PCDH10: variants seen among roughly 807,000 people sequenced by gnomAD.
PCDH10 encodes the protein protocadherin-10.
In PCDH10, 15 loss-of-function variants were observed where a neutral mutation model predicts 74.4. The observed-to-expected ratio is 0.20, with a 90% CI of 0.13 to 0.31. The LOEUF is 0.31. Among genes scored for constraint, PCDH10 ranks in the 10% least tolerant of loss-of-function variants. The pLI is 1.00. For synonymous variants in PCDH10, 619 were observed against 589.8 expected (o/e 1.05, Z -0.72); for missense variants, 1,260 against 1,390.2 (o/e 0.91, Z 1.49).
intron 4 of PCDH10, among the ~76,000 whole-genome samples, chr4:133,167,096 T>A (rs1271384684): frequency 6.6e-6 from 1 of 151,460 alleles, no homozygotes; most frequent in Non-Finnish European, 1.5e-5. Context: ...AACTTGTTAA[T>A]CTTATTGAAA....
intron 2 of PCDH10, among the ~76,000 whole-genome samples, chr4:133,199,954 C>A (rs540003124): frequency 6.6e-6 from 1 of 151,132 alleles, no homozygotes; most frequent in Non-Finnish European, 1.5e-5. Context: ...CACGCCGCCA[C>A]GCCCAGCTAA....
chr4:133,173,852 T>C (rs1368961086), intron 4 of PCDH10, among the ~76,000 whole-genome samples: 1 of 151,910 alleles, frequency 6.6e-6, no homozygotes, highest in Non-Finnish European at 1.5e-5. Context: ...GTATAAATGC[T>C]GAGTATGAAA....
At chr4:133,154,418 A>G (rs1726815246) in intron 2 of PCDH10, 53 bp downstream of exon 2, 2 of 939,772 alleles carry the variant, frequency 2.1e-6, no homozygotes, top group Admixed American at 4.8e-5. Context: ...ACCTAGTAAA[A>G]GTAGGAAGTA....
At chr4:133,163,965 G>A (rs1727027933) in intron 4 of PCDH10, 2 of 450,004 alleles carry the variant, frequency 4.4e-6, no homozygotes, top group African/African-American at 4.0e-5. Flanking sequence ...TGAGGTTGTG[G>A]CTATTAACCT....
chr4:133,195,220 T>C (rs1727771140), downstream of PCDH10, among the ~76,000 whole-genome samples: 2 of 152,116 alleles, frequency 1.3e-5, no homozygotes, highest in Admixed American at 1.3e-4. Context: ...AGAAACGTTC[T>C]TCTTAATCTC....
chr4:133,179,846 A>G (rs1301919897), intron 4 of PCDH10, among the ~76,000 whole-genome samples: 1 of 152,106 alleles, frequency 6.6e-6, no homozygotes, highest in Admixed American at 6.6e-5. Context: ...ATGAGTCAAT[A>G]AATGAAATAT....
intron 2 of PCDH10, among the ~76,000 whole-genome samples, chr4:133,206,656 G>T (rs1001603289): frequency 3.3e-5 from 5 of 151,898 alleles, no homozygotes; most frequent in Non-Finnish European, 5.9e-5. Flanking sequence ...TTCCTCAATT[G>T]TTTGTCTTTT....
Position 133,152,320 on chromosome 4 carries a change from T to C in PCDH10, c.2180T>C (p.Phe727Ser), listed in dbSNP as rs762190073. The C allele has an allele frequency of 6.2e-7, 1 of 1,614,128 alleles. No individual in the cohort carries two copies. The highest frequency in any genetic ancestry group is 1.3e-5 in the African/African-American group (1 of 75,036). ...ILIIALGSVS[F>S]IFLLAMIVLA... ...ATCATCGCGTTGGGCTCGGTGTCCT[T>C]CATCTTCCTGCTGGCCATGATCGTG... is the stretch of plus-strand genomic sequence containing the variant. Residue 727 changes from phenylalanine to serine, a missense_variant, in exon 1 of 5, where the codon TTC becomes TCC. Phe to Ser is a radical substitution (Grantham distance 155). Around this residue, in one of 11 missense-constraint regions of PCDH10, gnomAD observed 587 missense variants for 616.9 expected, o/e 0.95. Coordinates refer to ENST00000264360, the MANE Select transcript of PCDH10 (RefSeq NM_032961.3).
intron 4 of PCDH10, among the ~76,000 whole-genome samples, chr4:133,168,639 T>G (rs1727137059): frequency 2.6e-5 from 4 of 151,662 alleles, no homozygotes; most frequent in Admixed American, 2.6e-4. Flanking sequence ...TGCTAAAATC[T>G]GCTCCAGCTC....
chr4:133,177,618 A>G lies in PCDH10; in HGVS notation c.3104-12523A>G, dbSNP rs80061121. Among the ~76,000 whole-genome samples the G allele has an allele frequency of 3.8e-3, 579 of 152,284 alleles. 11 individuals carry two copies. In the East Asian group the frequency reaches 0.038, roughly 10 times the overall value. ...TATGTTTATTCCTCATATGAAAAGAAAAATTTCTCATTTTTTTACAATGAT... is the reference window on the plus strand; with the variant it reads ...TATGTTTATTCCTCATATGAAAAGAGAAATTTCTCATTTTTTTACAATGAT... On this transcript the variant is annotated intron_variant, in intron 4 of 4. Coordinates refer to ENST00000264360, the MANE Select transcript of PCDH10 (RefSeq NM_032961.3).
rs1057476033 is a variant in PCDH10 at position 133,163,538 on chromosome 4, C to G, written c.3103+256C>G. Reference sequence around the variant, plus strand: ...CTCCAAATTGATTATTTTATATAATCATTGCAAACAATAAAAATGCTTTGA... The same window carrying G: ...CTCCAAATTGATTATTTTATATAATGATTGCAAACAATAAAAATGCTTTGA... On this transcript the variant is annotated intron_variant, in intron 4 of 4. Transcript: ENST00000264360. Among the ~76,000 whole-genome samples, 6 of 152,158 alleles carry G rather than the reference C, an allele frequency of 3.9e-5. No homozygotes were observed. In the East Asian group the frequency reaches 9.7e-4, roughly 24 times the overall value.
At chr4:133,166,378 GAA>G (rs1347115369) in intron 4 of PCDH10, among the ~76,000 whole-genome samples, 1 of 151,264 alleles carries the variant, frequency 6.6e-6, no homozygotes, top group South Asian at 2.1e-4. Context: ...TAAAATGAAA[GAA>G]AATATTTTCT....
downstream of PCDH10, among the ~76,000 whole-genome samples, chr4:133,196,342 T>C (rs1410349413): frequency 6.6e-6 from 1 of 152,084 alleles, no homozygotes; most frequent in Non-Finnish European, 1.5e-5. Flanking sequence ...GGTTCAGAGA[T>C]GAAATCATAG....
At chr4:133,163,785 G>A in intron 4 of PCDH10, 1 of 358,166 alleles carries the variant, frequency 2.8e-6, no homozygotes. Context: ...AATAACTGTG[G>A]AACTTATAAG....
intron 4 of PCDH10, among the ~76,000 whole-genome samples, chr4:133,170,305 T>G (rs936127030): frequency 6.6e-6 from 1 of 152,148 alleles, no homozygotes; most frequent in Non-Finnish European, 1.5e-5. Flanking sequence ...TTCTTTTGAC[T>G]GTATGAAGAG....
At position 133,163,108 on chromosome 4, in the gene PCDH10, G is replaced by C. The variant is rs773006239; in HGVS notation, c.2929G>C (p.Gly977Arg). The change falls in exon 4 of 5, where the codon GGC becomes CGC. Residue 977 changes from glycine to arginine, a missense_variant. Gly to Arg is a moderately radical substitution (Grantham distance 125). Transcript: ENST00000264360. Reference protein sequence around the residue: ...ADYRSNLHVPGMDSVPDTEVF... With the variant: ...ADYRSNLHVPRMDSVPDTEVF... ...TTATCGCAGCAATCTGCATGTTCCTGGCATGGACTCTGTTCCAGACACTGA... is the reference window on the plus strand; with the variant it reads ...TTATCGCAGCAATCTGCATGTTCCTCGCATGGACTCTGTTCCAGACACTGA... 6.2e-7 allele frequency: 1 copy of C among 1,614,132 alleles called. No individual in the cohort carries two copies. The highest frequency in any genetic ancestry group is 1.7e-5 in the Admixed American group (1 of 60,016).
downstream of PCDH10, chr4:133,194,776 T>G (rs537314289): frequency 6.6e-6 from 1 of 152,108 alleles, no homozygotes; most frequent in East Asian, 1.9e-4. Flanking sequence ...GAGTCTCATT[T>G]GAAGCAGCAT....
chr4:133,191,998 T>TACACACAC lies in PCDH10; in HGVS notation c.*1839_*1840insCACACACA, dbSNP rs1560716555. ...ACACACACACACACACACACACACT[T>TACACACAC]AGGTCCTGATATGTACATTTAGAGT... On this transcript the variant is annotated 3_prime_UTR_variant, in exon 5 of 5. Transcript: ENST00000264360. 1.0e-3 allele frequency: 139 copies of TACACACAC among 133,190 alleles called. 2 individuals carry two copies. Among genetic ancestry groups the TACACACAC allele is most frequent in the African/African-American group, 3.4e-3 (116 of 33,958 alleles). 8.3% of individuals were successfully genotyped at this position (133,190 alleles called of 1,614,324 possible).
intron 4 of PCDH10, among the ~76,000 whole-genome samples, chr4:133,168,681 C>G (rs1727137896): frequency 6.6e-6 from 1 of 151,502 alleles, no homozygotes. Context: ...TACAATTACT[C>G]CCTTGGCATA....
Sources: allele counts gnomAD v4.1 joint callset (sites outside exome capture counted in the v4.1 genomes callset), GRCh38; gene constraint gnomAD v4.1.1; regional missense constraint gnomAD v4.1.1; transcripts MANE v1.5; gene names NCBI Gene and HGNC (gene_info 2026-07-23, HGNC 2026-07-21).